Variants in RAPGEF1 observed in about 807,000 individuals in gnomAD.
RAPGEF1 encodes the protein Rap guanine nucleotide exchange factor 1.
In RAPGEF1, 33 loss-of-function variants were observed where a neutral mutation model predicts 143.3. The observed-to-expected ratio is 0.23, with a 90% CI of 0.17 to 0.31. The LOEUF is 0.31. RAPGEF1 is among the 10% of genes least tolerant of loss of function. The pLI is 1.00. For synonymous variants in RAPGEF1, 629 were observed against 676.5 expected (o/e 0.93, Z 1.09); for missense variants, 1,199 against 1,645.4 (o/e 0.73, Z 4.69).
In RAPGEF1 at chr9:131,662,296, C is replaced by T. The variant is rs576154015; in HGVS notation, c.62-11347G>A. ...CCACCTTCTCCTCCAGCTACTCCCA[C>T]GTTTGTTTCTCTAAATAGCAAAACC... On this transcript the variant is annotated intron_variant, in intron 1 of 26. Transcript: ENST00000683357. Among the ~76,000 whole-genome samples the T allele has an allele frequency of 3.9e-5, 6 of 152,326 alleles. No individual in the cohort carries two copies. In the East Asian group the frequency reaches 9.6e-4, roughly 24 times the overall value.
intron 1 of RAPGEF1, among the ~76,000 whole-genome samples, chr9:131,718,533 A>AAG (rs1418900502): frequency 6.6e-6 from 1 of 152,170 alleles, no homozygotes; most frequent in African/African-American, 2.4e-5. Flanking sequence ...AGGAGGTACT[A>AAG]AGAAGGACCA....
intron 26 of RAPGEF1, 23 bp from the exon 27 acceptor site, chr9:131,579,670 G>C (rs1027829730): frequency 1.2e-6 from 2 of 1,611,214 alleles, no homozygotes; most frequent in African/African-American, 2.7e-5. Flanking sequence ...ATGGGGAGCA[G>C]TCAGTGAGCA....
intron 1 of RAPGEF1, among the ~76,000 whole-genome samples, chr9:131,718,624 C>T (rs1836038377): frequency 6.6e-6 from 1 of 152,164 alleles, no homozygotes; most frequent in Non-Finnish European, 1.5e-5. Context: ...AGGACACCCT[C>T]ATTGTTTTCT....
At position 131,588,038 on chromosome 9, in the gene RAPGEF1, A is replaced by T. The variant is rs752014132; in HGVS notation, c.3054-12T>A. The T allele has an allele frequency of 1.2e-6, 2 of 1,608,152 alleles. No homozygotes were observed. The highest frequency in any genetic ancestry group is 1.7e-6 in the Non-Finnish European group (2 of 1,177,198). ...GCAAGGTCCCCGGCCTGGAAGACAG[A>T]GGTGTGAGAAGAGCCGTCAGGGGTG... is the stretch of plus-strand genomic sequence containing the variant. On this transcript the variant is annotated splice_polypyrimidine_tract_variant and intron_variant, in intron 20 of 26. Transcript: ENST00000683357.
At chr9:131,735,473 C>A (rs1470897835) in intron 1 of RAPGEF1, among the ~76,000 whole-genome samples, 1 of 152,190 alleles carries the variant, frequency 6.6e-6, no homozygotes, top group Admixed American at 6.5e-5. Flanking sequence ...ACAGAGGATG[C>A]CTGTATTCAG....
intron 1 of RAPGEF1, among the ~76,000 whole-genome samples, chr9:131,729,378 G>A (rs951780022): frequency 1.3e-5 from 2 of 152,304 alleles, no homozygotes; most frequent in Admixed American, 1.3e-4. Flanking sequence ...ACTTTAACTC[G>A]TAAGGGCCAC....
rs1951432922 is a variant in RAPGEF1 at position 131,578,455 on chromosome 9, A to C, written c.*1042T>G. 6.6e-6 allele frequency: 1 copy of C among 152,330 alleles called. No individual in the cohort carries two copies. The highest frequency in any genetic ancestry group is 2.4e-5 in the African/African-American group (1 of 41,442). The allele number at this position is 152,330 out of a possible 1,614,324, so 9.4% of individuals were successfully genotyped here. On this transcript the variant is annotated 3_prime_UTR_variant, in exon 27 of 27. Transcript: ENST00000683357. ...AGGGATGCCCTTCCCTCCCAGGGGCACTGACAGCACTGGCTGAAAGGTCTG... is the reference window on the plus strand; with the variant it reads ...AGGGATGCCCTTCCCTCCCAGGGGCCCTGACAGCACTGGCTGAAAGGTCTG...
At position 131,577,856 on chromosome 9, in the gene RAPGEF1, T is replaced by A. The variant is rs1412719060; in HGVS notation, c.*1641A>T. The A allele has an allele frequency of 6.6e-6, 1 of 152,102 alleles. No individual in the cohort carries two copies. Among genetic ancestry groups the A allele is most frequent in the Non-Finnish European group, 1.5e-5 (1 of 68,024 alleles). 9.4% of individuals were successfully genotyped at this position (152,102 alleles called of 1,614,324 possible). ...CCTGCCACTGCACGGCTTTCCTCCC[T>A]CTATCTACAGGACAAACAAAACACG... On this transcript the variant is annotated 3_prime_UTR_variant, in exon 27 of 27. Transcript: ENST00000683357.
chr9:131,676,893 C>A (rs1297910717), intron 1 of RAPGEF1, among the ~76,000 whole-genome samples: 1 of 152,202 alleles, frequency 6.6e-6, no homozygotes, highest in African/African-American at 2.4e-5. Context: ...AATGCAAATT[C>A]TTGGGCCCAT....
At chr9:131,688,143 G>A (rs1226518505) in intron 1 of RAPGEF1, among the ~76,000 whole-genome samples, 1 of 152,244 alleles carries the variant, frequency 6.6e-6, no homozygotes, top group Non-Finnish European at 1.5e-5. Context: ...GGTGCTTAGA[G>A]GAGATATGCT....
intron 18 of RAPGEF1, among the ~76,000 whole-genome samples, chr9:131,590,396 C>A (rs905033470): frequency 7.2e-5 from 11 of 152,212 alleles, no homozygotes; most frequent in Admixed American, 1.3e-4. Flanking sequence ...AAGTATCTCC[C>A]TCCAGTCTTT....
intron 1 of RAPGEF1, among the ~76,000 whole-genome samples, chr9:131,671,430 T>A (rs980782349): frequency 6.6e-6 from 1 of 152,166 alleles, no homozygotes; most frequent in Non-Finnish European, 1.5e-5. Context: ...AAAAACCAAG[T>A]CCCAGTTCTG....
intron 1 of RAPGEF1, among the ~76,000 whole-genome samples, chr9:131,670,637 G>C (rs1028317231): frequency 6.6e-6 from 1 of 152,198 alleles, no homozygotes; most frequent in African/African-American, 2.4e-5. Context: ...TAGCACCTGG[G>C]CTAAAAATAC....
In RAPGEF1 at chr9:131,584,418, G is replaced by A. The variant is rs184288936; in HGVS notation, c.3313-6C>T. The A allele has an allele frequency of 2.9e-4, 473 of 1,613,846 alleles. 1 individual carries two copies. In the East Asian group the frequency reaches 6.8e-3, roughly 23 times the overall value. On this transcript the variant is annotated splice_polypyrimidine_tract_variant and splice_region_variant and intron_variant, in intron 23 of 26. Coordinates refer to ENST00000683357, the MANE Select transcript of RAPGEF1 (RefSeq NM_001377935.1). The surrounding 1 kb of genome is among the most constrained non-coding windows in gnomAD (Gnocchi z 6.8). The stretch of plus-strand genomic sequence containing the variant: ...TTATTCAGCTTCCGCAAGTGCTGCC[G>A]AGAGAGGGGCGGTGCCGTGAGGCAG...
chr9:131,586,806 A>T (rs1953032517), intron 22 of RAPGEF1, among the ~76,000 whole-genome samples: 3 of 120,470 alleles, frequency 2.5e-5, no homozygotes, highest in African/African-American at 7.0e-5. Flanking sequence ...ACACACACAC[A>T]CACACACACA....
At chr9:131,710,398 G>A (rs11792068) in intron 1 of RAPGEF1, among the ~76,000 whole-genome samples, 33,165 of 152,146 alleles carry the variant, frequency 0.22, 4,143 homozygotes, top group Non-Finnish European at 0.28. Flanking sequence ...GAACAATTTT[G>A]CTGGAGAAAG....
chr9:131,606,370 C>T (rs1007735889), intron 12 of RAPGEF1, among the ~76,000 whole-genome samples: 2 of 152,156 alleles, frequency 1.3e-5, no homozygotes, highest in African/African-American at 4.8e-5. Context: ...GCTGGGAGAG[C>T]GCTGTGGGGG....
At chr9:131,589,348 G>A (rs926653117) in intron 19 of RAPGEF1, among the ~76,000 whole-genome samples, 2 of 152,228 alleles carry the variant, frequency 1.3e-5, no homozygotes, top group Non-Finnish European at 1.5e-5. Context: ...CAGACTAGAT[G>A]CTCCCCAACT....
rs763722205 is a variant in RAPGEF1 at position 131,655,207 on chromosome 9, G to A, written c.62-4258C>T. The stretch of plus-strand genomic sequence containing the variant: ...TGCAAATTACCTAGGCACCCACTGC[G>A]CTCTGGACCAAAGAGAAAAGCCAGG... On this transcript the variant is annotated intron_variant, in intron 1 of 26. Coordinates refer to ENST00000683357, the MANE Select transcript of RAPGEF1 (RefSeq NM_001377935.1). The surrounding 1 kb of genome is among the most constrained non-coding windows in gnomAD (Gnocchi z 4.1). Among the ~76,000 whole-genome samples, 2 of 152,200 alleles carry A rather than the reference G, an allele frequency of 1.3e-5. No individual in the cohort carries two copies. The highest frequency in any genetic ancestry group is 4.8e-5 in the African/African-American group (2 of 41,436).
Sources: allele counts gnomAD v4.1 joint callset (sites outside exome capture counted in the v4.1 genomes callset), GRCh38; gene constraint gnomAD v4.1.1; non-coding constraint Gnocchi (gnomAD v3.1); transcripts MANE v1.5; gene names NCBI Gene and HGNC (gene_info 2026-07-23, HGNC 2026-07-21).